The following MAPK9 variants were observed in gnomAD, a reference collection of about 807,000 sequenced individuals.
MAPK9 encodes the protein mitogen-activated protein kinase 9.
Under a neutral mutation model 57.1 loss-of-function variants are expected in MAPK9, and 30 were observed. That is an observed-to-expected ratio of 0.53 (90% confidence interval 0.39 to 0.71). The LOEUF (loss-of-function observed/expected upper bound fraction) is 0.71, where lower values mean the gene tolerates loss of function less well. Ranked by LOEUF, MAPK9 falls within the 30% of genes least tolerant of loss-of-function variation. The pLI is 0.00. For missense variants in MAPK9, 362 were observed against 521.0 expected, an observed-to-expected ratio of 0.69 and a Z score of 2.97; for synonymous variants, 155 against 177.0, an observed-to-expected ratio of 0.88 and a Z score of 0.99.
chr5:180,236,357 GCTGACAGGTTTGCTATTT>G lies in MAPK9; in HGVS notation c.*9_*26del. The G allele has an allele frequency of 6.3e-7, 1 of 1,583,488 alleles. No individual in the cohort carries two copies. The highest frequency in any genetic ancestry group is 8.6e-7 in the Non-Finnish European group (1 of 1,157,990). ...CCACGGAGGTGAGAGTTCCTTCAAT[GCTGACAGGTTTGCTATTT>G]CTAACCTATCATCGACAGCCTTCAA... On this transcript the variant is annotated 3_prime_UTR_variant, in exon 12 of 12. Transcript: ENST00000452135.
At chr5:180,279,786 AGAGCTTTACCTT>A (rs1333023747) in intron 2 of MAPK9, 2 of 455,328 alleles carry the variant, frequency 4.4e-6, no homozygotes, top group East Asian at 1.4e-4. Flanking sequence ...AAACATGTGA[AGAGCTTTACCTT>A]GAGCTGGCCC....
intron 9 of MAPK9, among the ~76,000 whole-genome samples, chr5:180,240,675 G>A (rs1411711815): frequency 1.3e-5 from 2 of 152,226 alleles, no homozygotes; most frequent in African/African-American, 4.8e-5. Flanking sequence ...AAACAGACGT[G>A]TGATTTTTCA....
At chr5:180,253,906 C>G (rs1035413) in intron 5 of MAPK9, among the ~76,000 whole-genome samples, 1 of 149,644 alleles carries the variant, frequency 6.7e-6, no homozygotes, top group Non-Finnish European at 1.5e-5. Context: ...GACACCCATT[C>G]TTTAACAATT....
chr5:180,265,563 T>C (rs953010100), intron 3 of MAPK9, among the ~76,000 whole-genome samples: 1 of 152,238 alleles, frequency 6.6e-6, no homozygotes, highest in Non-Finnish European at 1.5e-5. Context: ...CCCTTTCGTC[T>C]TCCGCCATGA....
intron 2 of MAPK9, among the ~76,000 whole-genome samples, chr5:180,270,531 A>G (rs1761159061): frequency 6.6e-6 from 1 of 152,206 alleles, no homozygotes; most frequent in South Asian, 2.1e-4. Context: ...GTATGTATTT[A>G]TACCTATATA....
intron 5 of MAPK9, among the ~76,000 whole-genome samples, chr5:180,250,118 C>T (rs1433102045): frequency 6.6e-6 from 1 of 152,152 alleles, no homozygotes; most frequent in Non-Finnish European, 1.5e-5. Context: ...GTTCTGGTTG[C>T]CACCTCTCTT....
chr5:180,277,681 CAA>C (rs1761946367), intron 2 of MAPK9, among the ~76,000 whole-genome samples: 1 of 152,168 alleles, frequency 6.6e-6, no homozygotes, highest in Non-Finnish European at 1.5e-5. Context: ...TTCAGATCAT[CAA>C]TTAACTACAT....
intron 3 of MAPK9, among the ~76,000 whole-genome samples, chr5:180,265,778 A>C (rs953125805): frequency 5.3e-5 from 8 of 152,318 alleles, no homozygotes; most frequent in Admixed American, 3.9e-4. Context: ...GGGAAAGATG[A>C]ATTATCCATT....
chr5:180,260,430 C>T (rs1032774842), intron 5 of MAPK9, among the ~76,000 whole-genome samples: 1 of 151,998 alleles, frequency 6.6e-6, no homozygotes, highest in Non-Finnish European at 1.5e-5. Flanking sequence ...AAGCCTGATG[C>T]AAATTAAATA....
At chr5:180,272,219 G>C (rs188287543) in intron 2 of MAPK9, among the ~76,000 whole-genome samples, 42 of 152,312 alleles carry the variant, frequency 2.8e-4, no homozygotes, top group African/African-American at 9.6e-4. Flanking sequence ...TCTCTTGCTG[G>C]AGTACATCCT....
At chr5:180,284,867 T>C (rs974599189) in intron 1 of MAPK9, among the ~76,000 whole-genome samples, 3 of 152,126 alleles carry the variant, frequency 2.0e-5, no homozygotes, top group Admixed American at 6.5e-5. Context: ...ATACACCAAG[T>C]TGAAGAAGAG....
At chr5:180,250,357 G>A (rs910454476) in intron 5 of MAPK9, among the ~76,000 whole-genome samples, 10 of 152,176 alleles carry the variant, frequency 6.6e-5, no homozygotes, top group African/African-American at 2.4e-4. Context: ...ACTTTTGCCT[G>A]GGGACTTCGG....
chr5:180,247,310 G>T lies in MAPK9; in HGVS notation c.688+129C>A. 1.1e-6 allele frequency: 1 copy of T among 947,926 alleles called. No individual in the cohort carries two copies. Among genetic ancestry groups the T allele is most frequent in the Non-Finnish European group, 1.6e-6 (1 of 611,162 alleles). The allele number at this position is 947,926 out of a possible 1,614,324, so 58.7% of individuals were successfully genotyped here. ...GACACTAATTAACAAATACAGTAAA[G>T]CCCCCCTTAGAACACAGTCTGGAGT... is the stretch of plus-strand genomic sequence containing the variant. On this transcript the variant is annotated intron_variant, in intron 7 of 11. Transcript: ENST00000452135. This position sits in a 1 kb window ranked among gnomAD's most constrained non-coding sequence, Gnocchi z 4.5.
intron 7 of MAPK9, among the ~76,000 whole-genome samples, chr5:180,245,475 T>C (rs1758012336): frequency 6.6e-6 from 1 of 151,970 alleles, no homozygotes; most frequent in Admixed American, 6.6e-5. Flanking sequence ...GGGTTAATGA[T>C]AAAGGACTAG....
chr5:180,271,650 A>G (rs1761330564), intron 2 of MAPK9, among the ~76,000 whole-genome samples: 1 of 152,228 alleles, frequency 6.6e-6, no homozygotes, highest in African/African-American at 2.4e-5. Flanking sequence ...CTAGAAGTTG[A>G]AAATCAATAC....
At chr5:180,265,944 G>C (rs1269014317) in intron 3 of MAPK9, among the ~76,000 whole-genome samples, 2 of 151,878 alleles carry the variant, frequency 1.3e-5, no homozygotes, top group Admixed American at 1.3e-4. Flanking sequence ...TATAATCCTA[G>C]CGTAGAAAAT....
intron 11 of MAPK9, chr5:180,237,963 C>T (rs1344714146): frequency 6.0e-6 from 1 of 165,768 alleles, no homozygotes; most frequent in African/African-American, 2.4e-5. Context: ...ATGCTGAAAC[C>T]CCGTCTCTAC....
chr5:180,256,412 A>C (rs918959423), intron 5 of MAPK9, among the ~76,000 whole-genome samples: 1 of 61,218 alleles, frequency 1.6e-5, no homozygotes, highest in Non-Finnish European at 3.3e-5. Flanking sequence ...GCAGGGGGGC[A>C]GGGGGCAAGA....
intron 5 of MAPK9, among the ~76,000 whole-genome samples, chr5:180,251,458 T>C (rs934798796): frequency 6.6e-6 from 1 of 152,120 alleles, no homozygotes; most frequent in Non-Finnish European, 1.5e-5. Context: ...CATACTAATT[T>C]AACAGGAAAA....
Sources: allele counts gnomAD v4.1 joint callset (sites outside exome capture counted in the v4.1 genomes callset), GRCh38; gene constraint gnomAD v4.1.1; non-coding constraint Gnocchi (gnomAD v3.1); transcripts MANE v1.5; gene names NCBI Gene and HGNC (gene_info 2026-07-23, HGNC 2026-07-21).